The following MOSMO variants were observed in gnomAD, a reference collection of about 807,000 sequenced individuals.
MOSMO encodes modulator of smoothened protein.
Under a neutral mutation model 18.4 loss-of-function variants are expected in MOSMO, and 5 were observed. The ratio of observed to expected loss-of-function variants is 0.27; its 90% CI spans 0.14 to 0.57. MOSMO has a LOEUF of 0.57. Among genes scored for constraint, MOSMO ranks in the 20% least tolerant of loss-of-function variants. The pLI, the probability that MOSMO is intolerant of heterozygous loss-of-function variation, is 0.92. For synonymous variants in MOSMO, 82 were observed against 82.3 expected, an observed-to-expected ratio of 1.00 and a Z score of 0.02; for missense variants, 138 against 211.8, an observed-to-expected ratio of 0.65 and a Z score of 2.16.
Position 22,012,352 on chromosome 16 carries a change from A to G in MOSMO, c.106+3945A>G, listed in dbSNP as rs548925378. The stretch of plus-strand genomic sequence containing the variant: ...CCGTTTCCTCCTGTGTAAAGTAGGG[A>G]TAATAAAAGTATCCATCTCACTGGG... On this transcript the variant is annotated intron_variant, in intron 1 of 2. Coordinates refer to ENST00000542527, the MANE Select transcript of MOSMO (RefSeq NM_001164579.2). 4.6e-5 allele frequency among the ~76,000 whole-genome samples: 7 copies of G among 152,286 alleles called. No individual in the cohort carries two copies. In the East Asian group the frequency reaches 1.3e-3, roughly 29 times the overall value.
At chr16:22,066,624 G>C (rs36030278) in intron 1 of MOSMO, among the ~76,000 whole-genome samples, 18,113 of 152,172 alleles carry the variant, frequency 0.12, 1,334 homozygotes, top group South Asian at 0.28. Context: ...GAGTCTTATT[G>C]GTTCAAAGAA....
intron 1 of MOSMO, among the ~76,000 whole-genome samples, chr16:22,058,425 CAAAAA>C (rs924395309): frequency 1.8e-5 from 1 of 56,740 alleles, no homozygotes; most frequent in Admixed American, 1.8e-4. Context: ...GACTCCGTCT[CAAAAA>C]AAAAAAAAAA....
intron 1 of MOSMO, among the ~76,000 whole-genome samples, chr16:22,053,270 T>C (rs950919346): frequency 6.6e-6 from 1 of 152,048 alleles, no homozygotes; most frequent in Non-Finnish European, 1.5e-5. Context: ...CAGCCTATTC[T>C]TCCTTCTTAA....
chr16:22,057,353 G>A (rs1347402635), intron 1 of MOSMO, among the ~76,000 whole-genome samples: 3 of 152,210 alleles, frequency 2.0e-5, no homozygotes, highest in Non-Finnish European at 4.4e-5. Flanking sequence ...TAACATGGCG[G>A]AAGAGAGTGA....
In MOSMO at chr16:22,053,419, A is replaced by AC. The variant is rs1900468048; in HGVS notation, c.107-22067dup. On this transcript the variant is annotated intron_variant, in intron 1 of 2. Coordinates refer to ENST00000542527, the MANE Select transcript of MOSMO (RefSeq NM_001164579.2). ...ATTGAACATTATATATGTTACTGTGACTGCATGGGTCATTTAAAAAATAAT... is the reference window on the plus strand; with the variant it reads ...ATTGAACATTATATATGTTACTGTGACCTGCATGGGTCATTTAAAAAATAAT... 3.9e-5 allele frequency among the ~76,000 whole-genome samples: 6 copies of AC among 152,278 alleles called. No homozygotes were observed. In the South Asian group the frequency reaches 1.2e-3, roughly 32 times the overall value.
At chr16:22,045,891 T>TA (rs896953665) in intron 1 of MOSMO, among the ~76,000 whole-genome samples, 2 of 152,174 alleles carry the variant, frequency 1.3e-5, no homozygotes, top group African/African-American at 2.4e-5. Context: ...TTTTTTTTTT[T>TA]TATACTTTAA....
intron 2 of MOSMO, among the ~76,000 whole-genome samples, chr16:22,077,624 T>C (rs753236062): frequency 5.3e-5 from 8 of 152,154 alleles, no homozygotes; most frequent in Non-Finnish European, 8.8e-5. Context: ...TTTTCTACTG[T>C]TCTGTATCTT....
chr16:22,034,290 T>G (rs1228136166), intron 1 of MOSMO, among the ~76,000 whole-genome samples: 2 of 152,250 alleles, frequency 1.3e-5, no homozygotes, highest in Non-Finnish European at 2.9e-5. Flanking sequence ...CCTTCATTTA[T>G]TCCTTCTGTA....
intron 2 of MOSMO, among the ~76,000 whole-genome samples, chr16:22,077,582 T>G (rs1900994713): frequency 6.6e-6 from 1 of 152,166 alleles, no homozygotes; most frequent in African/African-American, 2.4e-5. Flanking sequence ...CTATTATGTG[T>G]GTGTTCCATA....
intron 1 of MOSMO, among the ~76,000 whole-genome samples, chr16:22,034,371 T>G (rs900751932): frequency 6.6e-6 from 1 of 152,240 alleles, no homozygotes; most frequent in African/African-American, 2.4e-5. Flanking sequence ...AAAGATTATC[T>G]GTTATCATTT....
intron 1 of MOSMO, among the ~76,000 whole-genome samples, chr16:22,045,842 TTAAGAGATATA>T (rs1173909561): frequency 6.6e-6 from 1 of 152,136 alleles, no homozygotes; most frequent in Admixed American, 6.5e-5. Flanking sequence ...AAAATTTGAG[TTAAGAGATATA>T]TATTTTTTTC....
intron 1 of MOSMO, among the ~76,000 whole-genome samples, chr16:22,051,425 A>T (rs968516435): frequency 6.6e-6 from 1 of 152,046 alleles, no homozygotes; most frequent in South Asian, 2.1e-4. Flanking sequence ...AAATTTCTAC[A>T]TACAAAAAAA....
At chr16:22,029,170 A>T (rs1270473448) in intron 1 of MOSMO, among the ~76,000 whole-genome samples, 1 of 152,112 alleles carries the variant, frequency 6.6e-6, no homozygotes, top group Admixed American at 6.6e-5. Flanking sequence ...ACGCCTGGCT[A>T]TGTTTATATT....
chr16:22,036,794 C>T (rs1052953362), intron 1 of MOSMO, among the ~76,000 whole-genome samples: 3 of 152,124 alleles, frequency 2.0e-5, no homozygotes, highest in African/African-American at 7.2e-5. Context: ...TTCTGAAGGG[C>T]CTTTTACACT....
intron 1 of MOSMO, among the ~76,000 whole-genome samples, chr16:22,016,015 A>T (rs1479022188): frequency 6.6e-6 from 1 of 152,174 alleles, no homozygotes; most frequent in African/African-American, 2.4e-5. Context: ...CAAATTTTGC[A>T]TAGTAATAGT....
chr16:22,023,191 C>T (rs1399575882), intron 1 of MOSMO, among the ~76,000 whole-genome samples: 5 of 152,118 alleles, frequency 3.3e-5, no homozygotes, highest in African/African-American at 1.2e-4. Context: ...CATATATCAG[C>T]CTACTAAATC....
downstream of MOSMO, among the ~76,000 whole-genome samples, chr16:22,086,641 CTAA>C (rs947384873): frequency 6.6e-6 from 1 of 152,138 alleles, no homozygotes; most frequent in Non-Finnish European, 1.5e-5. Flanking sequence ...TAGAATGGGA[CTAA>C]TAATATTACC....
Position 22,032,106 on chromosome 16 carries a change from A to G in MOSMO, c.106+23699A>G, listed in dbSNP as rs148265137. Among the ~76,000 whole-genome samples, 476 of 151,124 alleles carry G rather than the reference A, an allele frequency of 3.1e-3. 3 individuals are homozygous for G. The highest frequency in any genetic ancestry group is 0.022 in the South Asian group (103 of 4,772). On this transcript the variant is annotated intron_variant, in intron 1 of 2. Coordinates refer to ENST00000542527, the MANE Select transcript of MOSMO (RefSeq NM_001164579.2). ...ATGCGCATTTCCCTGATTACTAATG[A>G]TGTAGCGCATCTTTCCATATGCTTA...
chr16:22,054,665 T>C (rs1020968096), intron 1 of MOSMO, among the ~76,000 whole-genome samples: 1 of 152,224 alleles, frequency 6.6e-6, no homozygotes, highest in Non-Finnish European at 1.5e-5. Flanking sequence ...TCAGTACTTA[T>C]ATTAGAGCAA....
Sources: allele counts gnomAD v4.1 joint callset (sites outside exome capture counted in the v4.1 genomes callset), GRCh38; gene constraint gnomAD v4.1.1; transcripts MANE v1.5; gene names NCBI Gene and HGNC (gene_info 2026-07-23, HGNC 2026-07-21).